Variants in SERINC2 observed in about 807,000 individuals in gnomAD.
The protein encoded by SERINC2 is tumor differentially expressed protein 2.
Under a neutral mutation model 54.2 loss-of-function variants are expected in SERINC2, and 56 were observed. That is an observed-to-expected ratio of 1.03 (90% CI 0.83 to 1.29). SERINC2 has a LOEUF of 1.29. SERINC2 is among the 50% of genes most tolerant of loss of function. The pLI, the probability that SERINC2 is intolerant of heterozygous loss-of-function variation, is 0.00. For missense variants in SERINC2, 614 were observed against 607.4 expected (o/e 1.01, Z -0.12); for synonymous variants, 272 against 253.1 (o/e 1.07, Z -0.71).
Position 31,426,475 on chromosome 1 carries a change from C to T in SERINC2, c.611-179C>T, listed in dbSNP as rs147935024. 2.7e-3 allele frequency among the ~76,000 whole-genome samples: 406 copies of T among 152,258 alleles called. 3 individuals carry two copies. The highest frequency in any genetic ancestry group is 0.021 in the Admixed American group (323 of 15,296). On this transcript the variant is annotated intron_variant, in intron 5 of 9. Transcript: ENST00000373709. ...CAAGGTAGCAAGTGAATCATGTTAG[C>T]TCAGGGTGGGGCAATGACTCACAAA...
upstream of SERINC2, chr1:31,410,526 C>A: frequency 6.6e-7 from 1 of 1,511,534 alleles, no homozygotes; most frequent in Non-Finnish European, 8.8e-7. Context: ...AGCATATTAC[C>A]TTGCTCTGGA....
chr1:31,419,576 C>A, intron 1 of SERINC2, among the ~76,000 whole-genome samples: 1 of 152,150 alleles, frequency 6.6e-6, no homozygotes, highest in East Asian at 1.9e-4. Flanking sequence ...GCCTATAATC[C>A]CAGCACTTTG....
Position 31,426,647 on chromosome 1 carries a change from G to A in SERINC2, c.611-7G>A. The A allele has an allele frequency of 1.2e-6, 2 of 1,602,308 alleles. No homozygotes were observed. Among genetic ancestry groups the A allele is most frequent in the Non-Finnish European group, 8.5e-7 (1 of 1,170,992 alleles). On this transcript the variant is annotated splice_region_variant and splice_polypyrimidine_tract_variant and intron_variant, in intron 5 of 9. Coordinates refer to ENST00000373709, the MANE Select transcript of SERINC2 (RefSeq NM_178865.5). The stretch of plus-strand genomic sequence containing the variant: ...CTGCCTACCCTCTCACTACCCCTCT[G>A]GCCCAGGCCTCTTCTTCTTCACTCT...
chr1:31,415,502 T>C (rs1450303036), intron 1 of SERINC2, among the ~76,000 whole-genome samples: 7 of 152,262 alleles, frequency 4.6e-5, no homozygotes, highest in Admixed American at 4.6e-4. Context: ...AGCGTGGAGC[T>C]GTCCAGGAGT....
chr1:31,432,440 AAGCATGAAGG>A (rs1273335323), intron 8 of SERINC2, among the ~76,000 whole-genome samples: 1 of 152,080 alleles, frequency 6.6e-6, no homozygotes, highest in Non-Finnish European at 1.5e-5. Flanking sequence ...TTTTTAGTGT[AAGCATGAAGG>A]AAAGGGAGGC....
chr1:31,427,642 A>G (rs1167934613), intron 6 of SERINC2, among the ~76,000 whole-genome samples: 2 of 152,076 alleles, frequency 1.3e-5, no homozygotes, highest in African/African-American at 4.8e-5. Flanking sequence ...TAATGATGAT[A>G]GCCAGTAGTT....
intron 5 of SERINC2, 22 bp downstream of exon 5, chr1:31,425,935 C>T (rs1261377855): frequency 5.0e-6 from 8 of 1,604,596 alleles, no homozygotes; most frequent in Non-Finnish European, 6.8e-6. Context: ...CACCCTGCCT[C>T]CGTGTGGGGA....
At chr1:31,432,165 T>C (rs113375213) in intron 8 of SERINC2, among the ~76,000 whole-genome samples, 579 of 19,654 alleles carry the variant, frequency 0.029, 21 homozygotes, top group East Asian at 0.047. Flanking sequence ...ACAGGGTGGA[T>C]AGGGTGGATA....
chr1:31,416,346 GC>G (rs1553132211), intron 1 of SERINC2, among the ~76,000 whole-genome samples: 1 of 152,214 alleles, frequency 6.6e-6, no homozygotes, highest in East Asian at 1.9e-4. Flanking sequence ...TGGGCTCGGA[GC>G]CCCTGTACTC....
At chr1:31,420,719 C>T (rs1267971115) in intron 1 of SERINC2, among the ~76,000 whole-genome samples, 1 of 152,148 alleles carries the variant, frequency 6.6e-6, no homozygotes, top group Non-Finnish European at 1.5e-5. Context: ...TGCCACTTCT[C>T]TGTCTCAGTT....
chr1:31,422,137 A>G (rs996958766), intron 1 of SERINC2, among the ~76,000 whole-genome samples: 41 of 151,784 alleles, frequency 2.7e-4, no homozygotes, highest in African/African-American at 8.2e-4. Context: ...CGTCTCTACA[A>G]AAAATACAAA....
In SERINC2 at chr1:31,434,013, G is replaced by A. The variant is rs782566069; in HGVS notation, c.1233-51G>A. On this transcript the variant is annotated intron_variant, in intron 9 of 9. Transcript: ENST00000373709. ...GGGACATAAGGCCAGGGGCCAAGAT[G>A]GAAGTCACCAGACTGGGCACCAGGC... The A allele has an allele frequency of 6.9e-6, 11 of 1,595,798 alleles. No individual in the cohort carries two copies. The East Asian group carries it at 1.8e-4, about 26-fold the overall frequency.
Position 31,413,767 on chromosome 1 carries a change from C to G in SERINC2, c.39+463C>G, listed in dbSNP as rs551603618. ...TGCCCTGCCCTACCCCTCTGGCCGC[C>G]TGCCAGTCCGCCTGTTCCTGTCGCT... On this transcript the variant is annotated intron_variant, in intron 1 of 9. Transcript: ENST00000373709. The surrounding 1 kb of genome is among the most constrained non-coding windows in gnomAD (Gnocchi z 5.0). The G allele has an allele frequency of 7.6e-5, 104 of 1,363,134 alleles. No individual in the cohort carries two copies. In the East Asian group the frequency reaches 2.6e-3, roughly 34 times the overall value. The allele number at this position is 1,363,134 out of a possible 1,614,324, so 84.4% of individuals were successfully genotyped here.
intron 8 of SERINC2, among the ~76,000 whole-genome samples, chr1:31,430,083 C>G (rs1440653642): frequency 4.6e-5 from 7 of 152,166 alleles, no homozygotes; most frequent in African/African-American, 1.7e-4. Context: ...GGCATTGCCA[C>G]TTACTAGCTA....
In SERINC2 at chr1:31,426,715, C is replaced by T. The variant is rs576292442; in HGVS notation, c.672C>T (p.Phe224=). 9.5e-5 allele frequency: 153 copies of T among 1,614,056 alleles called. 4 individuals are homozygous for T. In the Middle Eastern group the frequency reaches 0.014, roughly 150 times the overall value. ...LLSIAAVALM[F]MYYTEPSGCH... ...CGATCGCGGCCGTGGCGCTGATGTT[C>T]ATGTACTACACTGAGCCCAGCGGCT... Residue 224 remains phenylalanine, a synonymous_variant, in exon 6 of 10, where the codon TTC becomes TTT. Coordinates refer to ENST00000373709, the MANE Select transcript of SERINC2 (RefSeq NM_178865.5).
At position 31,429,006 on chromosome 1, in the gene SERINC2, AGG is replaced by A; in HGVS notation, c.810_811del (p.Gln270HisfsTer21). The A allele has an allele frequency of 6.2e-7, 1 of 1,613,964 alleles. No homozygotes were observed. Among genetic ancestry groups the A allele is most frequent in the Non-Finnish European group, 8.5e-7 (1 of 1,179,958 alleles). ...GCCCAGCCCAACTCGGGTCTGCTGC[AGG>A]CCTCGGTCATCACCCTCTACACCAT... is the stretch of plus-strand genomic sequence containing the variant. On this transcript the variant is annotated frameshift_variant, in exon 7 of 10. Coordinates refer to ENST00000373709, the MANE Select transcript of SERINC2 (RefSeq NM_178865.5). LOFTEE classifies it high-confidence loss of function.
At chr1:31,427,545 A>T (rs1641078523) in intron 6 of SERINC2, among the ~76,000 whole-genome samples, 1 of 152,194 alleles carries the variant, frequency 6.6e-6, no homozygotes, top group Non-Finnish European at 1.5e-5. Flanking sequence ...ATCAGTATTT[A>T]TCCAGCAAAT....
rs1257714300 is a variant in SERINC2, at chr1:31,426,877, C to A, written c.780+54C>A. On this transcript the variant is annotated intron_variant, in intron 6 of 9. Coordinates refer to ENST00000373709, the MANE Select transcript of SERINC2 (RefSeq NM_178865.5). ...AAGCCCGGCCCCTTAGTGGGTGGGA[C>A]TTCTTGTAGGAACCTGGGTCCTGGG... 7.8e-6 allele frequency: 12 copies of A among 1,530,750 alleles called. No individual in the cohort carries two copies. The South Asian group carries it at 1.4e-4, about 18-fold the overall frequency. The allele number at this position is 1,530,750 out of a possible 1,614,324, so 94.8% of individuals were successfully genotyped here. A position where few individuals can be genotyped will look rare whatever the true frequency, so the allele number is the denominator to read the frequency against.
In SERINC2 at chr1:31,423,756, T is replaced by G; in HGVS notation, c.103T>G (p.Ser35Ala). 6.2e-7 allele frequency: 1 copy of G among 1,613,594 alleles called. No homozygotes were observed. The highest frequency in any genetic ancestry group is 1.1e-5 in the South Asian group (1 of 91,082). The change falls in exon 2 of 10, where the codon TCC (serine) becomes GCC (alanine). Residue 35 changes from serine to alanine, a missense_variant. Transcript: ENST00000373709. Reference sequence around the variant, plus strand: ...CAGCTGCTGCCCCGCCAGCCGCAACTCCACCGTGAGCCGCCTCATCTTCAC... The same window carrying G: ...CAGCTGCTGCCCCGCCAGCCGCAACGCCACCGTGAGCCGCCTCATCTTCAC... ...LCSCCPASRNSTVSRLIFTFF... is the reference protein window; with the variant it reads ...LCSCCPASRNATVSRLIFTFF...
Sources: gnomAD v4.1 joint callset for allele counts (sites outside exome capture counted in the v4.1 genomes callset) on GRCh38, gnomAD v4.1.1 for gene constraint, Gnocchi (gnomAD v3.1) non-coding constraint, MANE v1.5 for transcripts, NCBI Gene and HGNC (gene_info 2026-07-23, HGNC 2026-07-21) for gene names.